Variants in CACNA1D observed in about 807,000 individuals in gnomAD.
The protein encoded by CACNA1D is voltage-dependent L-type calcium channel subunit alpha-1D.
A neutral mutation model predicts 257.1 loss-of-function variants in CACNA1D; 55 were observed. The ratio of observed to expected loss-of-function variants is 0.21; its 90% CI spans 0.17 to 0.27. The LOEUF (loss-of-function observed/expected upper bound fraction) is 0.27, where lower values mean the gene tolerates loss of function less well. CACNA1D is among the 10% of genes least tolerant of loss of function. The pLI is 1.00. For synonymous variants in CACNA1D, 980 were observed against 1,014.9 expected (o/e 0.97, Z 0.65); for missense variants, 1,876 against 2,784.0 (o/e 0.67, Z 7.34).
chr3:53,720,197 T>G (rs1260757183), intron 11 of CACNA1D, among the ~76,000 whole-genome samples: 3 of 152,226 alleles, frequency 2.0e-5, no homozygotes, highest in South Asian at 4.1e-4. Flanking sequence ...TACCTATGAT[T>G]AGTGTACTTT....
rs1215161488 is a variant in CACNA1D, at chr3:53,722,000, C to G, written c.1506-314C>G. ...TGTAGTTTTGCATCTGCACGTGAAT[C>G]TATGAATATCTAGATTTTCTAACCC... On this transcript the variant is annotated intron_variant, in intron 11 of 47. Coordinates refer to ENST00000350061, the MANE Select transcript of CACNA1D (RefSeq NM_001128840.3). Among the ~76,000 whole-genome samples, 6 of 152,310 alleles carry G rather than the reference C, an allele frequency of 3.9e-5. No homozygotes were observed. In the South Asian group the frequency reaches 8.3e-4, roughly 21 times the overall value.
intron 3 of CACNA1D, among the ~76,000 whole-genome samples, chr3:53,538,357 G>T (rs1235866688): frequency 6.6e-6 from 1 of 151,864 alleles, no homozygotes; most frequent in African/African-American, 2.4e-5. Context: ...GGGTTTCACT[G>T]TGTTGCCCAG....
chr3:53,535,160 T>TC (rs1474564677), intron 3 of CACNA1D, among the ~76,000 whole-genome samples: 1 of 152,194 alleles, frequency 6.6e-6, no homozygotes, highest in Non-Finnish European at 1.5e-5. Context: ...GTCTTTATTA[T>TC]CCTTGCTGCT....
intron 3 of CACNA1D, among the ~76,000 whole-genome samples, chr3:53,604,329 T>C (rs1209413351): frequency 6.6e-6 from 1 of 152,082 alleles, no homozygotes; most frequent in Non-Finnish European, 1.5e-5. Flanking sequence ...TGAGCAGGCA[T>C]TTGGATGACT....
chr3:53,678,958 C>G (rs763573769), intron 8 of CACNA1D: 1 of 151,998 alleles, frequency 6.6e-6, no homozygotes, highest in African/African-American at 2.4e-5. Context: ...ATACATTTTT[C>G]ATGACTGAGA....
At chr3:53,570,844 G>T (rs1033424026) in intron 3 of CACNA1D, among the ~76,000 whole-genome samples, 3 of 152,198 alleles carry the variant, frequency 2.0e-5, no homozygotes. Flanking sequence ...GGCTAAAAAT[G>T]GTCAAGGAAG....
At chr3:53,713,818 G>A (rs944768120) in intron 9 of CACNA1D, among the ~76,000 whole-genome samples, 4 of 152,134 alleles carry the variant, frequency 2.6e-5, no homozygotes, top group African/African-American at 9.7e-5. Context: ...CAAAGGCCTT[G>A]GAAACTCTAA....
At chr3:53,744,560 C>T (rs959371713) in intron 22 of CACNA1D, among the ~76,000 whole-genome samples, 180 bp from the exon 23 acceptor site, 2 of 152,090 alleles carry the variant, frequency 1.3e-5, no homozygotes, top group African/African-American at 2.4e-5. Flanking sequence ...GGTGCTGCCT[C>T]GTGTGGGCGG....
At chr3:53,502,495 T>C (rs924421056) in intron 3 of CACNA1D, among the ~76,000 whole-genome samples, 2 of 151,908 alleles carry the variant, frequency 1.3e-5, no homozygotes, top group African/African-American at 4.8e-5. Flanking sequence ...CAAAAGACTT[T>C]AACATCATGG....
chr3:53,724,514 C>G (rs2094912483), intron 14 of CACNA1D, among the ~76,000 whole-genome samples: 1 of 152,200 alleles, frequency 6.6e-6, no homozygotes, highest in South Asian at 2.1e-4. Flanking sequence ...CACAAAGATT[C>G]TGAGGGTGCC....
chr3:53,803,874 C>G (rs2095548584), intron 44 of CACNA1D, among the ~76,000 whole-genome samples: 1 of 152,326 alleles, frequency 6.6e-6, no homozygotes, highest in South Asian at 2.1e-4. Context: ...CTTTCCACCA[C>G]CCGTCTTTGG....
intron 3 of CACNA1D, among the ~76,000 whole-genome samples, chr3:53,639,757 T>C (rs1273475760): frequency 6.6e-6 from 1 of 152,082 alleles, no homozygotes; most frequent in Non-Finnish European, 1.5e-5. Context: ...TCTTTATCTC[T>C]GTTAATGGAG....
intron 3 of CACNA1D, among the ~76,000 whole-genome samples, chr3:53,512,235 A>G (rs2091143011): frequency 6.6e-6 from 1 of 152,238 alleles, no homozygotes; most frequent in Non-Finnish European, 1.5e-5. Flanking sequence ...AGTGAAATTA[A>G]AACATCCAAA....
intron 3 of CACNA1D, among the ~76,000 whole-genome samples, chr3:53,565,050 T>C (rs1404569844): frequency 1.3e-5 from 2 of 152,168 alleles, no homozygotes; most frequent in African/African-American, 4.8e-5. Context: ...TATCAGTGTT[T>C]CAGCACAGAT....
At chr3:53,569,367 G>A (rs956413882) in intron 3 of CACNA1D, among the ~76,000 whole-genome samples, 3 of 152,184 alleles carry the variant, frequency 2.0e-5, no homozygotes, top group Non-Finnish European at 2.9e-5. Flanking sequence ...TTAGGCGTAC[G>A]TGTTGGCCAG....
At chr3:53,497,098 C>G in intron 1 of CACNA1D, 54 bp from the exon 2 acceptor site, 8 of 1,395,846 alleles carry the variant, frequency 5.7e-6, no homozygotes, top group Non-Finnish European at 8.1e-6. Context: ...TTTTCTCCTA[C>G]CCACTGGATC....
intron 20 of CACNA1D, among the ~76,000 whole-genome samples, chr3:53,738,001 C>G (rs2095075883): frequency 6.6e-6 from 1 of 152,192 alleles, no homozygotes; most frequent in Non-Finnish European, 1.5e-5. Flanking sequence ...GAGGACCATT[C>G]AAAGGCAAGA....
intron 3 of CACNA1D, among the ~76,000 whole-genome samples, chr3:53,606,232 A>G (rs1432065678): frequency 6.6e-6 from 1 of 152,208 alleles, no homozygotes; most frequent in Non-Finnish European, 1.5e-5. Flanking sequence ...ACTGAAAGAA[A>G]AAGAGAAATG....
At position 53,752,151 on chromosome 3, in the gene CACNA1D, C is replaced by T. The variant is rs576535729; in HGVS notation, c.3675+244C>T. Among the ~76,000 whole-genome samples the T allele has an allele frequency of 8.5e-5, 13 of 152,266 alleles. 1 individual carries two copies. The Middle Eastern group carries it at 0.01, about 120-fold the overall frequency. ...TAGGTAACATTTCCATGGAGCCTGG[C>T]ATTGGTGCTCAATTCTGTAAACATT... On this transcript the variant is annotated intron_variant, in intron 28 of 47. Transcript: ENST00000350061.
Sources: gnomAD v4.1 joint callset for allele counts (sites outside exome capture counted in the v4.1 genomes callset) on GRCh38, gnomAD v4.1.1 for gene constraint, MANE v1.5 for transcripts, NCBI Gene and HGNC (gene_info 2026-07-23, HGNC 2026-07-21) for gene names.